The following DIP2C variants were observed in gnomAD, a reference collection of about 807,000 sequenced individuals.
The protein encoded by DIP2C is DIP2 acetate--CoA ligase C (putative).
A neutral mutation model predicts 192.4 loss-of-function variants in DIP2C; 33 were observed. The observed-to-expected ratio is 0.17, with a 90% CI of 0.13 to 0.23. DIP2C has a LOEUF of 0.23. Among genes scored for constraint, DIP2C ranks in the 10% least tolerant of loss-of-function variants. DIP2C has a pLI of 1.00. For synonymous variants in DIP2C, 979 were observed against 864.1 expected, an observed-to-expected ratio of 1.13 and a Z score of -2.33; for missense variants, 1,537 against 2,110.1, an observed-to-expected ratio of 0.73 and a Z score of 5.32.
intron 31 of DIP2C, among the ~76,000 whole-genome samples, chr10:321,652 G>A (rs1194115932): frequency 2.5e-5 from 2 of 81,184 alleles, no homozygotes; most frequent in Non-Finnish European, 4.6e-5. Context: ...AGAGACCGGC[G>A]CTGTTAGAAC....
intron 4 of DIP2C, among the ~76,000 whole-genome samples, chr10:433,272 G>A (rs1966909631): frequency 6.6e-6 from 1 of 152,076 alleles, no homozygotes; most frequent in Admixed American, 6.5e-5. Context: ...GCTTTCTTAG[G>A]CAAAAATACA....
At chr10:306,203 G>A (rs1037677406) in intron 32 of DIP2C, among the ~76,000 whole-genome samples, 1 of 152,040 alleles carries the variant, frequency 6.6e-6, no homozygotes, top group Admixed American at 6.5e-5. Flanking sequence ...CAGAAGCAGG[G>A]AGAGTGTGTC....
At chr10:572,359 C>T (rs970171960) in intron 1 of DIP2C, among the ~76,000 whole-genome samples, 2 of 152,202 alleles carry the variant, frequency 1.3e-5, no homozygotes, top group African/African-American at 4.8e-5. Context: ...TCCTGAGCGC[C>T]ACAAAAATTC....
At chr10:337,224 T>C (rs1214063289) in intron 29 of DIP2C, among the ~76,000 whole-genome samples, 1 of 70,388 alleles carries the variant, frequency 1.4e-5, no homozygotes, top group East Asian at 4.8e-4. Context: ...GTGTGTGTGG[T>C]GGAGGCCTAG....
rs182545673 is a variant in DIP2C at position 495,475 on chromosome 10, G to A, written c.86-8945C>T. ...GCTTGAAGGGGCAGGAAAAAAACCTGAAATCCTTCCCCTCCTCCTCCCTAA... is the reference window on the plus strand; with the variant it reads ...GCTTGAAGGGGCAGGAAAAAAACCTAAAATCCTTCCCCTCCTCCTCCCTAA... On this transcript the variant is annotated intron_variant, in intron 1 of 36. Transcript: ENST00000280886. Among the ~76,000 whole-genome samples the A allele has an allele frequency of 2.7e-3, 405 of 152,004 alleles. 1 individual carries two copies. Among genetic ancestry groups the A allele is most frequent in the African/African-American group, 9.2e-3 (380 of 41,454 alleles).
intron 1 of DIP2C, among the ~76,000 whole-genome samples, chr10:540,249 G>GTA (rs1847904883): frequency 6.6e-6 from 1 of 152,262 alleles, no homozygotes; most frequent in South Asian, 2.1e-4. Flanking sequence ...CAAAGCTTAT[G>GTA]TACTTGGAAA....
chr10:548,768 G>A (rs1471614481), intron 1 of DIP2C, among the ~76,000 whole-genome samples: 1 of 151,914 alleles, frequency 6.6e-6, no homozygotes, highest in Non-Finnish European at 1.5e-5. Flanking sequence ...CTGATTTATG[G>A]ATGACATTTT....
At chr10:424,239 A>G (rs950189199) in intron 4 of DIP2C, among the ~76,000 whole-genome samples, 54 of 152,294 alleles carry the variant, frequency 3.5e-4, no homozygotes, top group African/African-American at 1.3e-3. Context: ...AATTGCAAAC[A>G]ATATACACAC....
Position 414,070 on chromosome 10 carries a change from G to A in DIP2C, c.900C>T (p.Ala300=), listed in dbSNP as rs1459415150. The change falls in exon 8 of 37, where the codon GCC becomes GCT. Residue 300 remains alanine (A), a synonymous_variant. Transcript: ENST00000280886. The part of the protein sequence containing the change: ...PDPNQPKPEG[A]QMLAMRGEQL... ...GCTCTCCGCGCATGGCCAGCATCTGGGCCCCCTCCGGCTTTGGTTGGTTCG... is the reference window on the plus strand; with the variant it reads ...GCTCTCCGCGCATGGCCAGCATCTGAGCCCCCTCCGGCTTTGGTTGGTTCG... The A allele has an allele frequency of 6.2e-7, 1 of 1,613,930 alleles. No individual in the cohort carries two copies. Among genetic ancestry groups the A allele is most frequent in the South Asian group, 1.1e-5 (1 of 91,048 alleles).
intron 17 of DIP2C, among the ~76,000 whole-genome samples, chr10:378,204 T>C (rs965105018): frequency 2.0e-5 from 3 of 152,204 alleles, no homozygotes; most frequent in Non-Finnish European, 4.4e-5. Context: ...AACAGGACAG[T>C]GACAGTTTTA....
chr10:620,986 T>C (rs556076742), intron 1 of DIP2C, among the ~76,000 whole-genome samples: 10 of 152,324 alleles, frequency 6.6e-5, no homozygotes, highest in African/African-American at 2.2e-4. Context: ...TGAAGATGCA[T>C]TTGAACGTTC....
intron 1 of DIP2C, among the ~76,000 whole-genome samples, chr10:588,522 T>C (rs1380718577): frequency 6.6e-6 from 1 of 152,240 alleles, no homozygotes; most frequent in African/African-American, 2.4e-5. Flanking sequence ...CGCAGCTGCC[T>C]GCGGCTTGGG....
chr10:547,923 C>T (rs1042100660), intron 1 of DIP2C, among the ~76,000 whole-genome samples: 1 of 152,150 alleles, frequency 6.6e-6, no homozygotes, highest in Non-Finnish European at 1.5e-5. Context: ...CTTGGGTCAC[C>T]CTTATCTCTC....
In DIP2C at chr10:553,393, C is replaced by G. The variant is rs1848680206; in HGVS notation, c.86-66863G>C. Among the ~76,000 whole-genome samples the G allele has an allele frequency of 3.3e-5, 5 of 152,252 alleles. No homozygotes were observed. In the East Asian group the frequency reaches 7.7e-4, roughly 23 times the overall value. ...ACACAGGTGCCGCCACTAAGTCCCT[C>G]AAGCCCTTCGTGAGCCTAGAGCCAC... is the stretch of plus-strand genomic sequence containing the variant. On this transcript the variant is annotated intron_variant, in intron 1 of 36. Transcript: ENST00000280886.
intron 1 of DIP2C, among the ~76,000 whole-genome samples, chr10:607,952 T>A (rs557831339): frequency 6.6e-6 from 1 of 151,498 alleles, no homozygotes; most frequent in Non-Finnish European, 1.5e-5. Context: ...GTCCCAGAGG[T>A]GGCTGAGGCT....
At chr10:431,114 T>G (rs1043534207) in intron 4 of DIP2C, among the ~76,000 whole-genome samples, 6 of 152,234 alleles carry the variant, frequency 3.9e-5, no homozygotes, top group African/African-American at 1.4e-4. Flanking sequence ...TATCACTGAT[T>G]TATAGTAAGT....
At chr10:650,384 C>T (rs1165286364) in intron 1 of DIP2C, 1 of 716,732 alleles carries the variant, frequency 1.4e-6, no homozygotes, top group South Asian at 1.5e-5. Flanking sequence ...CAGCCCACGG[C>T]AGCCACACGC....
At chr10:446,695 G>A (rs1476566760) in intron 3 of DIP2C, among the ~76,000 whole-genome samples, 1 of 152,166 alleles carries the variant, frequency 6.6e-6, no homozygotes, top group Non-Finnish European at 1.5e-5. Context: ...ATGGAGGAGG[G>A]GCATCAGCTC....
chr10:422,786 C>T lies in DIP2C; in HGVS notation c.604+38G>A, dbSNP rs200187610. The T allele has an allele frequency of 6.8e-5, 108 of 1,589,526 alleles. 1 individual carries two copies. The South Asian group carries it at 1.1e-3, about 16-fold the overall frequency. On this transcript the variant is annotated intron_variant, in intron 5 of 36. Transcript: ENST00000280886. ...GAATGTGCACACACAAAGGCGTTTACACAACAGGCACAGAAAGACACCGTG... is the reference window on the plus strand; with the variant it reads ...GAATGTGCACACACAAAGGCGTTTATACAACAGGCACAGAAAGACACCGTG...
Sources: gnomAD v4.1 joint callset for allele counts (sites outside exome capture counted in the v4.1 genomes callset) on GRCh38, gnomAD v4.1.1 for gene constraint, MANE v1.5 for transcripts, NCBI Gene and HGNC (gene_info 2026-07-23, HGNC 2026-07-21) for gene names.